FBXL5: variants seen among roughly 807,000 people sequenced by gnomAD.
FBXL5 encodes F-box/LRR-repeat protein 5.
Under a neutral mutation model 78.3 loss-of-function variants are expected in FBXL5, and 26 were observed. The observed-to-expected ratio is 0.33, with a 90% confidence interval of 0.24 to 0.46. The LOEUF (loss-of-function observed/expected upper bound fraction) is 0.46. FBXL5 is among the 20% of genes least tolerant of loss of function. FBXL5 has a pLI of 1.00. For synonymous variants in FBXL5, 295 were observed against 282.5 expected (o/e 1.04, Z -0.45); for missense variants, 710 against 829.2 (o/e 0.86, Z 1.77).
At chr4:15,664,492 ACT>A (rs1378320144), upstream of FBXL5, among the ~76,000 whole-genome samples, 1 of 150,352 alleles carries the variant, frequency 6.7e-6, no homozygotes, top group African/African-American at 2.5e-5. Flanking sequence ...AGTTAAATAT[ACT>A]GTTTATTTTA....
intron 9 of FBXL5, among the ~76,000 whole-genome samples, chr4:15,614,070 T>C (rs1409950409): frequency 6.6e-6 from 1 of 152,212 alleles, no homozygotes. Context: ...GGGTAGACTA[T>C]GTCAGAGGGA....
intron 1 of FBXL5, among the ~76,000 whole-genome samples, chr4:15,652,259 T>C (rs376598782): frequency 2.6e-5 from 4 of 152,280 alleles, no homozygotes; most frequent in African/African-American, 7.2e-5. Context: ...TCTTAGCAGA[T>C]TGTTCCCAAA....
At chr4:15,675,228 C>T (rs1009025000) in intron 1 of FBXL5, among the ~76,000 whole-genome samples, 4 of 152,000 alleles carry the variant, frequency 2.6e-5, no homozygotes, top group African/African-American at 7.3e-5. Flanking sequence ...TATTTTGTTC[C>T]ATAATTCATT....
chr4:15,616,171 G>A (rs1711845066), intron 9 of FBXL5, among the ~76,000 whole-genome samples: 1 of 152,106 alleles, frequency 6.6e-6, no homozygotes, highest in African/African-American at 2.4e-5. Flanking sequence ...CTGAACATCA[G>A]GAGGGACAGA....
At position 15,625,357 on chromosome 4, in the gene FBXL5, T is replaced by C. The variant is rs1560218453; in HGVS notation, c.1745A>G (p.Lys582Arg). ...TTCACTCCCAAAGTAAATTAAGTCTTTTCCCCTAGGCAATCTAGTCCTTGC... is the reference window on the plus strand; with the variant it reads ...TTCACTCCCAAAGTAAATTAAGTCTCTTCCCCTAGGCAATCTAGTCCTTGC... ...KAARTRLPRGKDLIYFGSEKS... is the reference protein window; with the variant it reads ...KAARTRLPRGRDLIYFGSEKS... The change falls in exon 9 of 11, where the codon AAA (lysine) becomes AGA (arginine). Residue 582 changes from lysine to arginine, a missense_variant. Transcript: ENST00000341285. The C allele has an allele frequency of 1.9e-6, 3 of 1,614,196 alleles. No individual in the cohort carries two copies. Among genetic ancestry groups the C allele is most frequent in the Non-Finnish European group, 2.5e-6 (3 of 1,180,020 alleles).
At chr4:15,664,354 T>A (rs1328637911), upstream of FBXL5, among the ~76,000 whole-genome samples, 2 of 152,040 alleles carry the variant, frequency 1.3e-5, no homozygotes, top group East Asian at 3.9e-4. Context: ...CAGCAATGTT[T>A]CTAAAACAAA....
intron 9 of FBXL5, among the ~76,000 whole-genome samples, chr4:15,621,157 A>T (rs1378132368): frequency 6.6e-6 from 1 of 152,154 alleles, no homozygotes; most frequent in Non-Finnish European, 1.5e-5. Flanking sequence ...TATTTTGGAA[A>T]ATCAGAAATT....
rs183546735 is a variant in FBXL5, at chr4:15,634,114, G to A, written c.766+2380C>T. On this transcript the variant is annotated intron_variant, in intron 5 of 10. Transcript: ENST00000341285. ...AGATATTTCAAATATCCCCTGGAAG[G>A]GGGAAAAATCAATTTGATTGAGAAC... Among the ~76,000 whole-genome samples the A allele has an allele frequency of 2.5e-3, 378 of 152,034 alleles. 2 individuals are homozygous for A. Among genetic ancestry groups the A allele is most frequent in the African/African-American group, 8.8e-3 (363 of 41,472 alleles).
intron 1 of FBXL5, among the ~76,000 whole-genome samples, chr4:15,666,985 A>G (rs1481985498): frequency 6.6e-6 from 1 of 152,200 alleles, no homozygotes; most frequent in Non-Finnish European, 1.5e-5. Context: ...AATGTATACA[A>G]TTATAAATTA....
At chr4:15,661,465 T>G (rs2148769821), upstream of FBXL5, among the ~76,000 whole-genome samples, 1 of 152,350 alleles carries the variant, frequency 6.6e-6, no homozygotes, top group Non-Finnish European at 1.5e-5. Flanking sequence ...TTGGTCATGA[T>G]GTTCTCTTTG....
At chr4:15,613,914 G>A (rs1156783572) in intron 9 of FBXL5, among the ~76,000 whole-genome samples, 1 of 151,742 alleles carries the variant, frequency 6.6e-6, no homozygotes, top group Non-Finnish European at 1.5e-5. Flanking sequence ...CTTAGTAATT[G>A]ACCTTCTGAT....
chr4:15,611,275 C>T (rs992080653), intron 10 of FBXL5, among the ~76,000 whole-genome samples: 2 of 152,000 alleles, frequency 1.3e-5, no homozygotes, highest in Non-Finnish European at 2.9e-5. Flanking sequence ...AACCTAATCT[C>T]GAGAAATAGC....
At chr4:15,672,242 T>A (rs1158438383) in intron 1 of FBXL5, among the ~76,000 whole-genome samples, 1 of 152,236 alleles carries the variant, frequency 6.6e-6, no homozygotes, top group Non-Finnish European at 1.5e-5. Flanking sequence ...CTCTACCCAA[T>A]GCTCCGTGAA....
upstream of FBXL5, among the ~76,000 whole-genome samples, chr4:15,664,518 A>G (rs1717449222): frequency 7.1e-6 from 1 of 141,804 alleles, no homozygotes; most frequent in African/African-American, 2.6e-5. Context: ...ACATAAACAT[A>G]TCTTTTTCCC....
At position 15,632,322 on chromosome 4, in the gene FBXL5, T is replaced by C. The variant is rs574315776; in HGVS notation, c.767-1531A>G. Among the ~76,000 whole-genome samples, 111 of 152,328 alleles carry C rather than the reference T, an allele frequency of 7.3e-4. 1 individual carries two copies. In the East Asian group the frequency reaches 0.02, roughly 27 times the overall value. Reference sequence around the variant, plus strand: ...TGCTGTTTTGGTTACTGTAGCCTTGTAGTATAGTTTGAGGTCAGGTAGCAT... The same window carrying C: ...TGCTGTTTTGGTTACTGTAGCCTTGCAGTATAGTTTGAGGTCAGGTAGCAT... On this transcript the variant is annotated intron_variant, in intron 5 of 10. Transcript: ENST00000341285.
At chr4:15,658,102 G>A (rs544901873), upstream of FBXL5, among the ~76,000 whole-genome samples, 1 of 152,274 alleles carries the variant, frequency 6.6e-6, no homozygotes, top group African/African-American at 2.4e-5. Flanking sequence ...TAGTTTCCAA[G>A]CCTAATTTTG....
At chr4:15,633,363 C>T (rs1713895265) in intron 5 of FBXL5, among the ~76,000 whole-genome samples, 1 of 152,170 alleles carries the variant, frequency 6.6e-6, no homozygotes. Flanking sequence ...ATTTCCCCTG[C>T]TGTCATTTCA....
At chr4:15,624,921 T>A (rs534415660) in intron 9 of FBXL5, among the ~76,000 whole-genome samples, 1 of 152,366 alleles carries the variant, frequency 6.6e-6, no homozygotes, top group East Asian at 1.9e-4. Context: ...ATATGCATAT[T>A]TTCTTGTTAC....
intron 9 of FBXL5, among the ~76,000 whole-genome samples, chr4:15,615,692 A>C (rs1191285399): frequency 6.6e-6 from 1 of 151,076 alleles, no homozygotes; most frequent in Non-Finnish European, 1.5e-5. Flanking sequence ...CTGTGTGACG[A>C]AACTCTGTAT....
Sources: allele counts gnomAD v4.1 joint callset (sites outside exome capture counted in the v4.1 genomes callset), GRCh38; gene constraint gnomAD v4.1.1; transcripts MANE v1.5; gene names NCBI Gene and HGNC (gene_info 2026-07-23, HGNC 2026-07-21).